TWIST2: variants seen among roughly 807,000 people sequenced by gnomAD.
TWIST2 encodes twist-related protein 2.
In TWIST2, 1 loss-of-function variant was observed where a neutral mutation model predicts 11.6. That is an observed-to-expected ratio of 0.09 (90% CI 0.03 to 0.41). TWIST2 has a LOEUF of 0.41. TWIST2 is among the 10% of genes least tolerant of loss of function. The pLI is 0.98. For missense variants in TWIST2, 168 were observed against 226.4 expected (o/e 0.74, Z 1.66); for synonymous variants, 87 against 96.6 (o/e 0.90, Z 0.58).
At chr2:238,849,121 G>A (rs1438220897) in intron 1 of TWIST2, among the ~76,000 whole-genome samples, 1 of 152,198 alleles carries the variant, frequency 6.6e-6, no homozygotes, top group African/African-American at 2.4e-5. Flanking sequence ...AGGACCAGCT[G>A]CCCTTTGCGT....
intron 1 of TWIST2, among the ~76,000 whole-genome samples, chr2:238,870,151 CCACACCCCA>C (rs1692626587): frequency 2.8e-5 from 1 of 35,838 alleles, no homozygotes. Context: ...CCCATACACA[CCACACCCCA>C]CACACACCAC....
intron 1 of TWIST2, among the ~76,000 whole-genome samples, chr2:238,882,435 G>A (rs1692954570): frequency 6.6e-6 from 1 of 152,230 alleles, no homozygotes; most frequent in African/African-American, 2.4e-5. Context: ...GGACAGAAAT[G>A]CAAACGCCTT....
Position 238,864,732 on chromosome 2 carries a change from G to T in TWIST2, c.*35+15999G>T, listed in dbSNP as rs1324823001. ...TGCCCTGGGGTCCACCCTGCCGCGG[G>T]GTCCACTTGGTATAGGCACCCACCA... is the stretch of plus-strand genomic sequence containing the variant. On this transcript the variant is annotated intron_variant, in intron 1 of 1. Transcript: ENST00000612363. This position sits in a 1 kb window ranked among gnomAD's most constrained non-coding sequence, Gnocchi z 4.7. Among the ~76,000 whole-genome samples the T allele has an allele frequency of 6.6e-6, 1 of 152,152 alleles. No individual in the cohort carries two copies. Among genetic ancestry groups the T allele is most frequent in the Non-Finnish European group, 1.5e-5 (1 of 68,016 alleles).
rs1224552195 is a variant in TWIST2, at chr2:238,867,436, C to T, written c.*35+18703C>T. 1.4e-5 allele frequency among the ~76,000 whole-genome samples: 2 copies of T among 145,406 alleles called. No homozygotes were observed. Among genetic ancestry groups the T allele is most frequent in the African/African-American group, 5.1e-5 (2 of 39,456 alleles). On this transcript the variant is annotated intron_variant, in intron 1 of 1. Transcript: ENST00000612363. This position sits in a 1 kb window ranked among gnomAD's most constrained non-coding sequence, Gnocchi z 4.8. The stretch of plus-strand genomic sequence containing the variant: ...ACTCCTCAGTAAAATACCCAGTTCT[C>T]ACCAGGCTTTATGCAGTGGCTCTGG...
At chr2:238,857,523 G>A (rs1266480777) in intron 1 of TWIST2, among the ~76,000 whole-genome samples, 1 of 152,062 alleles carries the variant, frequency 6.6e-6, no homozygotes, top group Non-Finnish European at 1.5e-5. Flanking sequence ...GGCCACTGCT[G>A]CGGTTTGCAG....
At chr2:238,909,689 G>A (rs974002541) in intron 1 of TWIST2, among the ~76,000 whole-genome samples, 153 bp from the exon 2 acceptor site, 20 of 152,136 alleles carry the variant, frequency 1.3e-4, no homozygotes, top group African/African-American at 4.8e-4. Flanking sequence ...CCTGCCCAGT[G>A]TCTTTTGGGA....
In TWIST2 at chr2:238,896,840, C is replaced by T. The variant is rs1016901312; in HGVS notation, c.*36-13002C>T. 6.0e-4 allele frequency among the ~76,000 whole-genome samples: 91 copies of T among 152,312 alleles called. No homozygotes were observed. The East Asian group carries it at 0.011, about 18-fold the overall frequency. On this transcript the variant is annotated intron_variant, in intron 1 of 1. Coordinates refer to ENST00000612363, the MANE Select transcript of TWIST2 (RefSeq NM_001271893.4). ...TGGTGGCCTCCTTGTCACTCACCAG[C>T]CTGCTGAGAATCACAGGGCAGAAGC...
intron 1 of TWIST2, among the ~76,000 whole-genome samples, chr2:238,909,187 A>G (rs1354430986): frequency 8.8e-5 from 6 of 67,916 alleles, no homozygotes; most frequent in African/African-American, 2.0e-4. Flanking sequence ...AGTGTGTGGT[A>G]TGTTTGGTGT....
intron 1 of TWIST2, among the ~76,000 whole-genome samples, chr2:238,855,496 A>G (rs976953311): frequency 4.6e-5 from 7 of 152,188 alleles, no homozygotes; most frequent in African/African-American, 1.4e-4. Flanking sequence ...CGTTCATGAT[A>G]ATCTGCATGC....
chr2:238,879,815 A>C (rs750521572), intron 1 of TWIST2, among the ~76,000 whole-genome samples: 11 of 152,194 alleles, frequency 7.2e-5, no homozygotes, highest in Non-Finnish European at 1.6e-4. Context: ...TGGTGTGGTC[A>C]GGGAGGGCTT....
At chr2:238,908,919 C>CTGTGTGTGTGT (rs1693402771) in intron 1 of TWIST2, among the ~76,000 whole-genome samples, 1 of 4,710 alleles carries the variant, frequency 2.1e-4, no homozygotes, top group Non-Finnish European at 4.9e-4. Flanking sequence ...GTGTATGTGG[C>CTGTGTGTGTGT]AGTGTGGTGT....
intron 1 of TWIST2, among the ~76,000 whole-genome samples, chr2:238,859,212 CA>C (rs544641770): frequency 0.61 from 84,591 of 139,514 alleles, 25,661 homozygotes; most frequent in Middle Eastern, 0.71. Flanking sequence ...CACTCCGTCT[CA>C]AAAAAAAAAA....
At chr2:238,906,975 TG>T (rs1201353713) in intron 1 of TWIST2, among the ~76,000 whole-genome samples, 1 of 152,230 alleles carries the variant, frequency 6.6e-6, no homozygotes, top group African/African-American at 2.4e-5. Context: ...TTCTCATGTT[TG>T]TGCAAGAGGT....
chr2:238,864,439 C>G lies in TWIST2; in HGVS notation c.*35+15706C>G, dbSNP rs1442346202. 1.3e-5 allele frequency among the ~76,000 whole-genome samples: 2 copies of G among 152,112 alleles called. No individual in the cohort carries two copies. Among genetic ancestry groups the G allele is most frequent in the African/African-American group, 4.8e-5 (2 of 41,398 alleles). ...ACTCAGAGCCGTGGCTTTTTGTCCT[C>G]TGGCTGTGCAAATAAACAGAGCAGG... On this transcript the variant is annotated intron_variant, in intron 1 of 1. Transcript: ENST00000612363. This position sits in a 1 kb window ranked among gnomAD's most constrained non-coding sequence, Gnocchi z 4.7.
rs141507460 is a variant in TWIST2 at position 238,853,984 on chromosome 2, C to T, written c.*35+5251C>T. On this transcript the variant is annotated intron_variant, in intron 1 of 1. Transcript: ENST00000612363. ...TGTCCCTCACTGAGCGGTTTTCTAT[C>T]CTAATATTGTTTTCCTCTGTTATTT... Among the ~76,000 whole-genome samples, 493 of 152,268 alleles carry T rather than the reference C, an allele frequency of 3.2e-3. 3 individuals carry two copies. Among genetic ancestry groups the T allele is most frequent in the African/African-American group, 0.011 (473 of 41,542 alleles).
At chr2:238,895,342 C>T (rs918046036) in intron 1 of TWIST2, among the ~76,000 whole-genome samples, 6 of 152,268 alleles carry the variant, frequency 3.9e-5, no homozygotes, top group African/African-American at 1.2e-4. Flanking sequence ...GCCCCATTCT[C>T]TCCATGTCTG....
At chr2:238,900,168 T>A (rs1243760141) in intron 1 of TWIST2, among the ~76,000 whole-genome samples, 2 of 152,246 alleles carry the variant, frequency 1.3e-5, no homozygotes, top group South Asian at 2.1e-4. Context: ...TGGCTATCGA[T>A]ACATTTGGGT....
intron 1 of TWIST2, among the ~76,000 whole-genome samples, chr2:238,892,777 G>A (rs895723849): frequency 3.9e-5 from 6 of 152,090 alleles, no homozygotes; most frequent in Non-Finnish European, 8.8e-5. Context: ...CGCCGCAACC[G>A]GCCTTCTAAT....
chr2:238,897,182 G>A (rs1471875834), intron 1 of TWIST2, among the ~76,000 whole-genome samples: 5 of 152,212 alleles, frequency 3.3e-5, no homozygotes, highest in South Asian at 2.1e-4. Context: ...TGTCAGGGAC[G>A]GTATCCCTGC....
Sources: allele counts gnomAD v4.1 joint callset (sites outside exome capture counted in the v4.1 genomes callset), GRCh38; gene constraint gnomAD v4.1.1; non-coding constraint Gnocchi (gnomAD v3.1); transcripts MANE v1.5; gene names NCBI Gene and HGNC (gene_info 2026-07-23, HGNC 2026-07-21).